Variants in VPS13A observed in about 807,000 individuals in gnomAD.
VPS13A encodes vacuolar protein sorting 13 homolog A.
A neutral mutation model predicts 390.9 loss-of-function variants in VPS13A; 264 were observed. The ratio of observed to expected loss-of-function variants is 0.68; its 90% CI spans 0.61 to 0.75. The LOEUF (loss-of-function observed/expected upper bound fraction) is 0.75, where lower values mean the gene tolerates loss of function less well. Ranked by LOEUF, VPS13A falls within the 30% of genes least tolerant of loss-of-function variation. The pLI is 0.00. For missense variants in VPS13A, 3,409 were observed against 3,733.9 expected, an observed-to-expected ratio of 0.91 and a Z score of 2.27; for synonymous variants, 1,231 against 1,227.1, an observed-to-expected ratio of 1.00 and a Z score of -0.07.
At chr9:77,288,283 TTTTA>T (rs1250661567) in intron 31 of VPS13A, among the ~76,000 whole-genome samples, 1 of 152,190 alleles carries the variant, frequency 6.6e-6, no homozygotes. Context: ...CTGTTTTTAA[TTTTA>T]TTTATTTATG....
chr9:77,317,282 A>G (rs554397141), intron 39 of VPS13A, among the ~76,000 whole-genome samples: 5 of 152,060 alleles, frequency 3.3e-5, no homozygotes, highest in Admixed American at 1.3e-4. Flanking sequence ...TTTTAAATAT[A>G]TATTTCTTCT....
At chr9:77,217,186 C>T (rs1048710390) in intron 10 of VPS13A, among the ~76,000 whole-genome samples, 44 of 152,054 alleles carry the variant, frequency 2.9e-4, no homozygotes, top group African/African-American at 8.5e-4. Flanking sequence ...AGTGAAATGA[C>T]GAGGGCAGTA....
rs73464090 is a variant in VPS13A, at chr9:77,206,874, A to T, written c.385+795A>T. Among the ~76,000 whole-genome samples the T allele has an allele frequency of 8.9e-3, 1,206 of 135,548 alleles. 15 individuals are homozygous for T. The highest frequency in any genetic ancestry group is 0.033 in the African/African-American group (1,133 of 34,800). 88.9% of individuals were successfully genotyped at this position (135,548 alleles called of 152,430 possible). On this transcript the variant is annotated intron_variant, in intron 5 of 71. Coordinates refer to ENST00000360280, the MANE Select transcript of VPS13A (RefSeq NM_033305.3). ...GATTTTCTTTTAATAAAAAATAATA[A>T]GCTTCAATAATGTTTTACTTGTTGG...
intron 68 of VPS13A, among the ~76,000 whole-genome samples, chr9:77,401,941 T>G (rs1834413394): frequency 6.6e-6 from 1 of 152,184 alleles, no homozygotes; most frequent in South Asian, 2.1e-4. Flanking sequence ...AACTTTATCA[T>G]AGGTGTGTGT....
chr9:77,268,054 T>C (rs1352019827), intron 23 of VPS13A, among the ~76,000 whole-genome samples: 1 of 152,250 alleles, frequency 6.6e-6, no homozygotes, highest in East Asian at 1.9e-4. Flanking sequence ...ACTGCTGTGC[T>C]GGCAGTAAGA....
intron 68 of VPS13A, among the ~76,000 whole-genome samples, chr9:77,395,137 GC>G (rs1223858455): frequency 3.3e-5 from 5 of 152,126 alleles, no homozygotes; most frequent in Admixed American, 3.3e-4. Flanking sequence ...GTCTAACTCA[GC>G]TTTTGACATG....
At chr9:77,310,601 T>C (rs544087813) in intron 35 of VPS13A, among the ~76,000 whole-genome samples, 11 of 146,604 alleles carry the variant, frequency 7.5e-5, no homozygotes, top group Admixed American at 1.3e-4. Flanking sequence ...GAGGCAGTAT[T>C]ACTGTAAATC....
intron 26 of VPS13A, among the ~76,000 whole-genome samples, chr9:77,277,482 T>C (rs1409391547): frequency 2.6e-5 from 4 of 152,218 alleles, no homozygotes; most frequent in South Asian, 2.1e-4. Flanking sequence ...GTTGCTGTTA[T>C]ACCTTCTGTT....
In VPS13A at chr9:77,232,298, A is replaced by G. The variant is rs111965807; in HGVS notation, c.1595+4034A>G. ...AGGATTCACTTTTCCATTTCTGGAAAGTGTCTCTTTGAAATTTGATAGGGA... is the reference window on the plus strand; with the variant it reads ...AGGATTCACTTTTCCATTTCTGGAAGGTGTCTCTTTGAAATTTGATAGGGA... On this transcript the variant is annotated intron_variant, in intron 17 of 71. Coordinates refer to ENST00000360280, the MANE Select transcript of VPS13A (RefSeq NM_033305.3). Among the ~76,000 whole-genome samples the G allele has an allele frequency of 3.5e-3, 539 of 152,310 alleles. 3 individuals carry two copies. Among genetic ancestry groups the G allele is most frequent in the African/African-American group, 0.012 (513 of 41,570 alleles).
chr9:77,310,030 G>A (rs1391821130), intron 35 of VPS13A, among the ~76,000 whole-genome samples: 1 of 152,172 alleles, frequency 6.6e-6, no homozygotes, highest in African/African-American at 2.4e-5. Context: ...TCTAAGGAAA[G>A]TGGTTTTTGA....
intron 59 of VPS13A, among the ~76,000 whole-genome samples, chr9:77,363,345 G>A (rs1832245050): frequency 7.0e-6 from 1 of 143,026 alleles, no homozygotes; most frequent in Admixed American, 7.0e-5. Flanking sequence ...GGAAATGATT[G>A]TACACTTTTT....
chr9:77,412,179 G>C (rs1244207321), intron 71 of VPS13A, among the ~76,000 whole-genome samples: 11 of 152,160 alleles, frequency 7.2e-5, no homozygotes, highest in Admixed American at 7.2e-4. Flanking sequence ...GGAGGAGCTG[G>C]TACCATTCCT....
intron 3 of VPS13A, among the ~76,000 whole-genome samples, chr9:77,204,353 C>A (rs1825512844): frequency 6.6e-6 from 1 of 152,014 alleles, no homozygotes; most frequent in Non-Finnish European, 1.5e-5. Context: ...AAACCCCATA[C>A]ATAGTGTTTT....
At chr9:77,379,536 G>A (rs1481325894) in intron 67 of VPS13A, among the ~76,000 whole-genome samples, 2 of 151,988 alleles carry the variant, frequency 1.3e-5, no homozygotes, top group African/African-American at 2.4e-5. Flanking sequence ...CACCACGCCC[G>A]GCCATTTTTG....
intron 63 of VPS13A, 60 bp downstream of exon 63, chr9:77,369,472 C>T: frequency 9.1e-7 from 1 of 1,100,004 alleles, no homozygotes; most frequent in Admixed American, 1.7e-5. Flanking sequence ...ATAGATAATA[C>T]TTTTCTATTG....
chr9:77,409,513 G>A (rs1327445395), intron 71 of VPS13A, among the ~76,000 whole-genome samples: 3 of 152,170 alleles, frequency 2.0e-5, no homozygotes, highest in African/African-American at 7.2e-5. Context: ...GCTAAAGGAG[G>A]AAGTTCGAAT....
Position 77,283,363 on chromosome 9 carries a change from C to G in VPS13A, c.3127C>G (p.Leu1043Val), listed in dbSNP as rs1275480888. 1 of 1,586,242 alleles carries G rather than the reference C, an allele frequency of 6.3e-7. No individual in the cohort carries two copies. Among genetic ancestry groups the G allele is most frequent in the Non-Finnish European group, 8.6e-7 (1 of 1,156,742 alleles). ...TGAATTTTTTTTTGCAGCTTTAAAA[C>G]TATCCACAAATGAAGATATCATTAC... Reference protein sequence around the residue: ...GDVIKKLALKLSTNEDIITLQ... With the variant: ...GDVIKKLALKVSTNEDIITLQ... Residue 1043 changes from leucine (L) to valine (V), a missense_variant, in exon 30 of 72, where the codon CTA (leucine) becomes GTA (valine). Transcript: ENST00000360280.
intron 1 of VPS13A, among the ~76,000 whole-genome samples, chr9:77,185,462 A>G (rs1355743702): frequency 1.3e-5 from 2 of 152,164 alleles, no homozygotes; most frequent in African/African-American, 4.8e-5. Context: ...CTTTCTAGGT[A>G]GATAGTGTCA....
chr9:77,323,209 A>C lies in VPS13A; in HGVS notation c.5973A>C (p.Thr1991=). The C allele has an allele frequency of 6.2e-7, 1 of 1,613,340 alleles. No individual in the cohort carries two copies. Among genetic ancestry groups the C allele is most frequent in the Non-Finnish European group, 8.5e-7 (1 of 1,179,454 alleles). ...IDTVEGSKKV[T]IRSPVQIRNH... ...CAGTAGAAGGAAGTAAGAAGGTCAC[A>C]ATTCGCTCCCCAGTGCAGGTATGAA... The change falls in exon 45 of 72, where the codon ACA becomes ACC. Residue 1991 remains threonine, a synonymous_variant. Coordinates refer to ENST00000360280, the MANE Select transcript of VPS13A (RefSeq NM_033305.3).
Sources: allele counts gnomAD v4.1 joint callset (sites outside exome capture counted in the v4.1 genomes callset), GRCh38; gene constraint gnomAD v4.1.1; transcripts MANE v1.5; gene names NCBI Gene and HGNC (gene_info 2026-07-23, HGNC 2026-07-21).